The following HMMR variants were observed in gnomAD, a reference collection of about 807,000 sequenced individuals.
The protein encoded by HMMR is intracellular hyaluronic acid-binding protein.
A neutral mutation model predicts 101.0 loss-of-function variants in HMMR; 108 were observed. That is an observed-to-expected ratio of 1.07 (90% confidence interval 0.92 to 1.25). The LOEUF is 1.25. HMMR is among the 50% of genes most tolerant of loss of function. HMMR has a pLI of 0.00. For missense variants in HMMR, 813 were observed against 788.7 expected (o/e 1.03, Z -0.37); for synonymous variants, 296 against 276.4 (o/e 1.07, Z -0.70).
rs11955217 is a variant in HMMR at position 163,473,833 on chromosome 5, G to A, written c.905-224G>A. The stretch of plus-strand genomic sequence containing the variant: ...ATAATTCTTGACTTTTCCACTAGGT[G>A]GCTGTGTAACAATCAGTAGATAACA... On this transcript the variant is annotated intron_variant, in intron 9 of 17. Transcript: ENST00000393915. Among the ~76,000 whole-genome samples, 42,375 of 151,722 alleles carry A rather than the reference G, an allele frequency of 0.28. 6,071 individuals carry two copies. The highest frequency in any genetic ancestry group is 0.5 in the East Asian group (2,555 of 5,148).
At position 163,463,871 on chromosome 5, in the gene HMMR, C is replaced by A; in HGVS notation, c.62C>A (p.Pro21Gln). The change falls in exon 2 of 18, where the codon CCA (proline) becomes CAA (glutamine). Residue 21 changes from proline (P) to glutamine (Q), a missense_variant. Physicochemically the swap from Pro to Gln is moderately conservative, Grantham distance 76 (BLOSUM62 -1). Coordinates refer to ENST00000393915, the MANE Select transcript of HMMR (RefSeq NM_001142556.2). ...FNDPSGCAPSPGAYDVKTLEV... is the reference protein window; with the variant it reads ...FNDPSGCAPSQGAYDVKTLEV... ...TTTCCTCTAGGTTGTGCACCATCTC[C>A]AGGTGCTTATGATGTTAAAACTTTA... 2 of 1,456,982 alleles carry A rather than the reference C, an allele frequency of 1.4e-6. No individual in the cohort carries two copies. The highest frequency in any genetic ancestry group is 1.8e-6 in the Non-Finnish European group (2 of 1,092,152). 90.3% of individuals were successfully genotyped at this position (1,456,982 alleles called of 1,614,324 possible).
At chr5:163,490,621 C>A in intron 17 of HMMR, 69 bp downstream of exon 17, 1 of 1,194,196 alleles carries the variant, frequency 8.4e-7, no homozygotes. Context: ...TTTAGCAAGT[C>A]ATCCATTTTA....
intron 1 of HMMR, among the ~76,000 whole-genome samples, chr5:163,462,392 A>G (rs1293128292): frequency 6.6e-6 from 1 of 151,944 alleles, no homozygotes; most frequent in African/African-American, 2.4e-5. Context: ...AACCCCCAAA[A>G]TTTATATTTC....
intron 16 of HMMR, among the ~76,000 whole-genome samples, chr5:163,487,211 A>T (rs1265639670): frequency 6.6e-6 from 1 of 151,988 alleles, no homozygotes; most frequent in Non-Finnish European, 1.5e-5. Context: ...TTATCATGTA[A>T]TTTTTTTATT....
At chr5:163,474,030 G>A (rs935460473) in intron 9 of HMMR, 27 bp from the exon 10 acceptor site, 2 of 1,585,706 alleles carry the variant, frequency 1.3e-6, no homozygotes, top group Non-Finnish European at 1.7e-6. Context: ...TCTAATTCCA[G>A]TATTCTTGAT....
intron 5 of HMMR, among the ~76,000 whole-genome samples, chr5:163,470,711 T>C (rs1339084931): frequency 6.6e-6 from 1 of 152,092 alleles, no homozygotes; most frequent in Admixed American, 6.5e-5. Flanking sequence ...AACAGTAGAC[T>C]GGTACAGTGG....
At chr5:163,483,960 A>C in intron 15 of HMMR, 109 bp from the exon 16 acceptor site, 1 of 617,958 alleles carries the variant, frequency 1.6e-6, no homozygotes, top group Non-Finnish European at 2.8e-6. Flanking sequence ...ATGTGAACAT[A>C]CCTTGTTTTC....
At chr5:163,464,942 T>C in intron 3 of HMMR, 140 bp downstream of exon 3, 1 of 610,306 alleles carries the variant, frequency 1.6e-6, no homozygotes. Context: ...GAGTTATCAT[T>C]AGAACTCTAG....
Position 163,475,583 on chromosome 5 carries a change from G to A in HMMR, c.1179G>A (p.Glu393=). ...AGCTTGATAAATTACAGCAAAAGGA[G>A]GAACAAGCTGAAAGGCTGGTCAAGC... ...LDELDKLQQK[E]EQAERLVKQL... Residue 393 remains glutamate (E), a synonymous_variant, in exon 11 of 18, where the codon GAG becomes GAA. Coordinates refer to ENST00000393915, the MANE Select transcript of HMMR (RefSeq NM_001142556.2). 3 of 1,612,614 alleles carry A rather than the reference G, an allele frequency of 1.9e-6. No homozygotes were observed. Among genetic ancestry groups the A allele is most frequent in the Non-Finnish European group, 2.5e-6 (3 of 1,178,934 alleles).
chr5:163,469,591 T>C, intron 4 of HMMR, 50 bp from the exon 5 acceptor site: 1 of 1,474,660 alleles, frequency 6.8e-7, no homozygotes. Context: ...CATCTCCTTA[T>C]GTTGGCATTC....
At chr5:163,486,088 C>T (rs1759468034) in intron 16 of HMMR, among the ~76,000 whole-genome samples, 1 of 152,122 alleles carries the variant, frequency 6.6e-6, no homozygotes, top group African/African-American at 2.4e-5. Flanking sequence ...CGTGAGTCCT[C>T]TTTGTATTTT....
At chr5:163,462,082 T>C (rs1174071093) in intron 1 of HMMR, among the ~76,000 whole-genome samples, 4 of 152,158 alleles carry the variant, frequency 2.6e-5, no homozygotes, top group Non-Finnish European at 5.9e-5. Context: ...CAGCACAAAC[T>C]TATTTTCTTA....
intron 3 of HMMR, 164 bp downstream of exon 3, chr5:163,464,966 T>A: frequency 1.7e-6 from 1 of 586,568 alleles, no homozygotes; most frequent in Non-Finnish European, 3.0e-6. Flanking sequence ...GTTTTACATT[T>A]CTGCCTAGGT....
chr5:163,469,137 G>A (rs1758787654), intron 4 of HMMR, among the ~76,000 whole-genome samples: 1 of 151,950 alleles, frequency 6.6e-6, no homozygotes, highest in Non-Finnish European at 1.5e-5. Flanking sequence ...GGCTGAGGCG[G>A]GTGGATCACG....
Position 163,491,677 on chromosome 5 carries a change from A to G in HMMR, c.*513A>G, listed in dbSNP as rs1354433464. ...AGCCTAACTTCATAGAAACCTCTCT[A>G]TTTTTAATCAGTTGTTTAATAATTT... On this transcript the variant is annotated 3_prime_UTR_variant, in exon 18 of 18. Transcript: ENST00000393915. The G allele has an allele frequency of 6.6e-6, 1 of 152,150 alleles. No homozygotes were observed. The highest frequency in any genetic ancestry group is 2.4e-5 in the African/African-American group (1 of 41,436). The allele number at this position is 152,150 out of a possible 1,614,324, so 9.4% of individuals were successfully genotyped here.
chr5:163,467,392 G>C (rs1407640005), intron 3 of HMMR, among the ~76,000 whole-genome samples: 1 of 152,186 alleles, frequency 6.6e-6, no homozygotes, highest in Non-Finnish European at 1.5e-5. Context: ...TTCAAGATGT[G>C]TTGCTATTTA....
chr5:163,481,334 T>A (rs1042146844), intron 12 of HMMR, among the ~76,000 whole-genome samples: 1 of 151,788 alleles, frequency 6.6e-6, no homozygotes, highest in East Asian at 1.9e-4. Context: ...ATTGCTAATA[T>A]CAATCCTGTA....
intron 15 of HMMR, 63 bp downstream of exon 15, chr5:163,483,430 T>C (rs1360966526): frequency 3.4e-6 from 3 of 884,102 alleles, no homozygotes; most frequent in African/African-American, 1.7e-5. Context: ...TTCCCTATTA[T>C]AGTGAGGACA....
chr5:163,463,748 AGTTT>A (rs1274481043), intron 1 of HMMR, 104 bp from the exon 2 acceptor site: 2 of 459,146 alleles, frequency 4.4e-6, no homozygotes, highest in Non-Finnish European at 7.6e-6. Context: ...TAAAAAAAGC[AGTTT>A]GTTAATGACA....
Sources: gnomAD v4.1 joint callset for allele counts (sites outside exome capture counted in the v4.1 genomes callset) on GRCh38, gnomAD v4.1.1 for gene constraint, MANE v1.5 for transcripts, NCBI Gene and HGNC (gene_info 2026-07-23, HGNC 2026-07-21) for gene names.